Variants in ICAM2 observed in about 807,000 individuals in gnomAD.
ICAM2 encodes intercellular adhesion molecule 2.
A neutral mutation model predicts 19.1 loss-of-function variants in ICAM2; 14 were observed. The observed-to-expected ratio is 0.73, with a 90% confidence interval of 0.48 to 1.15. The LOEUF is 1.15. Among genes scored for constraint, ICAM2 ranks in the 50% most tolerant of loss-of-function variants. The probability of loss-of-function intolerance (pLI) is 0.00; values close to 1 mark genes in which losing one functional copy is unlikely to be tolerated. For synonymous variants in ICAM2, 153 were observed against 152.7 expected (o/e 1.00, Z -0.01); for missense variants, 311 against 355.4 (o/e 0.88, Z 1.00).
chr17:64,006,738 GGA>G lies in ICAM2; in HGVS notation c.-44-5_-44-4del, dbSNP rs762117642. The G allele has an allele frequency of 6.4e-7, 1 of 1,571,172 alleles. No individual in the cohort carries two copies. The highest frequency in any genetic ancestry group is 8.8e-7 in the Non-Finnish European group (1 of 1,141,654). On this transcript the variant is annotated splice_polypyrimidine_tract_variant and splice_region_variant and intron_variant, in intron 1 of 4. Coordinates refer to ENST00000579788, the MANE Select transcript of ICAM2 (RefSeq NM_001099789.2). ...CGCAGGGACCAGCCAAGGGCTGCCT[GGA>G]GGGAGATGGTGGGCGCAGGTCTGAG...
chr17:64,019,817 C>CAAAAA (rs11342409), intron 1 of ICAM2, among the ~76,000 whole-genome samples: 2 of 53,826 alleles, frequency 3.7e-5, no homozygotes, highest in African/African-American at 6.2e-5. Context: ...AACTCTGTCT[C>CAAAAA]AAAAAAAAAA....
In ICAM2 at chr17:64,003,838, C is replaced by T. The variant is rs747907250; in HGVS notation, c.455G>A (p.Gly152Asp). 1 of 1,614,202 alleles carries T rather than the reference C, an allele frequency of 6.2e-7. No homozygotes were observed. The highest frequency in any genetic ancestry group is 8.5e-7 in the Non-Finnish European group (1 of 1,180,040). ...GGTCTCATAGTGCAGAGTCTCATTG[C>T]CACGGAACAGGAAGAGGGTGAGGCT... ...LDSLTLFLFR[G>D]NETLHYETFG... The change falls in exon 4 of 5, where the codon GGC becomes GAC. Residue 152 changes from glycine to aspartate, a missense_variant. By Grantham distance (94) the Gly-to-Asp change is moderately conservative (BLOSUM62 -1). Transcript: ENST00000579788.
At chr17:64,007,119 G>C (rs577861549) in intron 1 of ICAM2, among the ~76,000 whole-genome samples, 1 of 152,350 alleles carries the variant, frequency 6.6e-6, no homozygotes, top group South Asian at 2.1e-4. Context: ...ACCTGTCCAG[G>C]ACTTGCAGTT....
chr17:64,004,308 G>A (rs932774537), intron 3 of ICAM2: 2 of 259,052 alleles, frequency 7.7e-6, no homozygotes, highest in Non-Finnish European at 7.5e-6. Context: ...CACGTTGAGA[G>A]AGACTTAGAT....
intron 1 of ICAM2, among the ~76,000 whole-genome samples, chr17:64,015,723 A>G (rs1413124379): frequency 6.6e-6 from 1 of 152,202 alleles, no homozygotes; most frequent in Non-Finnish European, 1.5e-5. Flanking sequence ...CTAGGTAACA[A>G]AGTGAGACCA....
chr17:64,012,445 TA>T (rs1474948254), intron 1 of ICAM2, among the ~76,000 whole-genome samples: 2 of 151,934 alleles, frequency 1.3e-5, no homozygotes, highest in African/African-American at 4.8e-5. Flanking sequence ...TAAATATATA[TA>T]AAAATTGGCC....
chr17:64,014,519 G>A (rs1039103990), intron 1 of ICAM2, among the ~76,000 whole-genome samples: 19 of 137,030 alleles, frequency 1.4e-4, no homozygotes, highest in Admixed American at 3.7e-4. Flanking sequence ...GAGAGAGAGA[G>A]AAAGAAAGAA....
At chr17:64,009,270 G>A (rs922085931) in intron 1 of ICAM2, among the ~76,000 whole-genome samples, 1 of 151,926 alleles carries the variant, frequency 6.6e-6, no homozygotes, top group African/African-American at 2.4e-5. Context: ...CTGGGCGAAG[G>A]CTGTTTTTAG....
chr17:64,004,942 A>G (rs747997710), intron 3 of ICAM2, 165 bp downstream of exon 3: 1 of 758,472 alleles, frequency 1.3e-6, no homozygotes, highest in East Asian at 2.7e-5. Context: ...CAAGGCATCC[A>G]ACCAAGGGCT....
At chr17:64,011,942 C>T (rs1911470728) in intron 1 of ICAM2, among the ~76,000 whole-genome samples, 1 of 152,156 alleles carries the variant, frequency 6.6e-6, no homozygotes, top group African/African-American at 2.4e-5. Context: ...ATGAAACCAG[C>T]ATGTCAAAGA....
intron 1 of ICAM2, among the ~76,000 whole-genome samples, chr17:64,018,165 C>G (rs1185695317): frequency 6.6e-6 from 1 of 151,694 alleles, no homozygotes; most frequent in Non-Finnish European, 1.5e-5. Context: ...AACCCCATCG[C>G]TACTGAAAAT....
intron 1 of ICAM2, among the ~76,000 whole-genome samples, chr17:64,010,974 CT>C (rs1235975085): frequency 6.6e-6 from 1 of 151,576 alleles, no homozygotes; most frequent in African/African-American, 2.4e-5. Context: ...CAGTAAGGGG[CT>C]AATATCCAAA....
At chr17:64,010,684 AT>A (rs1324142823) in intron 1 of ICAM2, among the ~76,000 whole-genome samples, 1 of 152,218 alleles carries the variant, frequency 6.6e-6, no homozygotes, top group African/African-American at 2.4e-5. Context: ...AGAAGAAAAA[AT>A]GATTACAGAA....
Position 64,002,662 on chromosome 17 carries a change from C to G in ICAM2, c.*85G>C. ...CAAGTCTCTGCTGCCTGTCACAGTC[C>G]TTCAGCCAGGGCTGGACCTCAACCC... On this transcript the variant is annotated 3_prime_UTR_variant, in exon 5 of 5. Coordinates refer to ENST00000579788, the MANE Select transcript of ICAM2 (RefSeq NM_001099789.2). The G allele has an allele frequency of 7.9e-7, 1 of 1,273,188 alleles. No homozygotes were observed. Among genetic ancestry groups the G allele is most frequent in the African/African-American group, 1.5e-5 (1 of 67,990 alleles). The allele number at this position is 1,273,188 out of a possible 1,614,324, so 78.9% of individuals were successfully genotyped here. A position where few individuals can be genotyped will look rare whatever the true frequency, so the allele number is the denominator to read the frequency against.
At chr17:64,015,639 T>C (rs1183757484) in intron 1 of ICAM2, among the ~76,000 whole-genome samples, 1 of 151,082 alleles carries the variant, frequency 6.6e-6, no homozygotes, top group Non-Finnish European at 1.5e-5. Context: ...ACTTGGGAGG[T>C]GGAGTTAGGG....
At chr17:64,013,084 G>A (rs1022659658) in intron 1 of ICAM2, among the ~76,000 whole-genome samples, 2 of 152,126 alleles carry the variant, frequency 1.3e-5, no homozygotes, top group East Asian at 3.9e-4. Flanking sequence ...AGGCTGGGGC[G>A]AGTGGATTAC....
At chr17:64,013,700 A>C (rs939224946) in intron 1 of ICAM2, among the ~76,000 whole-genome samples, 21 of 152,204 alleles carry the variant, frequency 1.4e-4, no homozygotes, top group African/African-American at 5.1e-4. Flanking sequence ...AAAAACATTT[A>C]TTAGGGATAG....
intron 1 of ICAM2, among the ~76,000 whole-genome samples, chr17:64,009,106 G>C (rs1194801668): frequency 6.6e-6 from 1 of 152,196 alleles, no homozygotes; most frequent in Non-Finnish European, 1.5e-5. Flanking sequence ...CCCATCAACA[G>C]TGAGGGCAGA....
intron 1 of ICAM2, among the ~76,000 whole-genome samples, chr17:64,020,197 T>C (rs533074899): frequency 1.1e-4 from 16 of 151,816 alleles, no homozygotes; most frequent in African/African-American, 3.9e-4. Context: ...ACAGCCCACG[T>C]GGGCCCCTAA....
Sources: allele counts gnomAD v4.1 joint callset (sites outside exome capture counted in the v4.1 genomes callset), GRCh38; gene constraint gnomAD v4.1.1; transcripts MANE v1.5; gene names NCBI Gene and HGNC (gene_info 2026-07-23, HGNC 2026-07-21).